The following DMD variants were observed in gnomAD, a reference collection of about 807,000 sequenced individuals.
DMD encodes the protein dystrophin.
Under a neutral mutation model 330.1 loss-of-function variants are expected in DMD, and 63 were observed. That is an observed-to-expected ratio of 0.19 (90% CI 0.16 to 0.24). The LOEUF (loss-of-function observed/expected upper bound fraction) is 0.24, where lower values mean the gene tolerates loss of function less well. DMD is among the 10% of genes least tolerant of loss of function. The pLI is 1.00. For synonymous variants in DMD, 1,223 were observed against 959.8 expected, an observed-to-expected ratio of 1.27 and a Z score of -5.07; for missense variants, 3,344 against 2,684.1, an observed-to-expected ratio of 1.25 and a Z score of -5.43.
chrX:31,314,779 A>AGAGAGAGAGAGAGAGAGAGT (rs1225831523), intron 62 of DMD, among the ~76,000 whole-genome samples: 2,050 of 93,300 alleles, frequency 0.022, 28 homozygotes, highest in African/African-American at 0.029. Flanking sequence ...AGAGAGAGAG[A>AGAGAGAGAGAGAGAGAGAGT]GTGTTTTACC....
At chrX:31,767,258 T>C (rs992059295) in intron 51 of DMD, among the ~76,000 whole-genome samples, 1 of 111,768 alleles carries the variant, frequency 8.9e-6, no homozygotes, top group Admixed American at 9.5e-5. Context: ...AAGGGCTGGA[T>C]TGTTGATCGA....
At chrX:32,792,021 C>T (rs1229981788) in intron 7 of DMD, among the ~76,000 whole-genome samples, 3 of 111,691 alleles carry the variant, frequency 2.7e-5, no homozygotes, top group Admixed American at 9.6e-5. Context: ...AAAGAAACCT[C>T]CATCAGATTA....
intron 1 of DMD, among the ~76,000 whole-genome samples, chrX:33,067,274 G>T (rs962676283): frequency 1.8e-5 from 2 of 112,182 alleles, no homozygotes; most frequent in African/African-American, 6.5e-5. Context: ...AGTGAACTCA[G>T]CGACTGCAGA....
rs753907510 is a variant in DMD at position 31,682,721 on chromosome X, G to A, written c.7661-3135C>T. ...CTGATTCCAATTTGCCTTCGCTTTC[G>A]TTAGTCTTAATTACTAACATTTTAC... On this transcript the variant is annotated intron_variant, in intron 52 of 78. Transcript: ENST00000357033. Among the ~76,000 whole-genome samples the A allele has an allele frequency of 7.2e-5, 8 of 111,804 alleles. No homozygotes were observed. In the East Asian group the frequency reaches 1.7e-3, roughly 23 times the overall value.
intron 15 of DMD, among the ~76,000 whole-genome samples, chrX:32,568,783 G>A (rs887011185): frequency 1.4e-4 from 16 of 110,667 alleles, no homozygotes; most frequent in African/African-American, 5.3e-4. Context: ...ACTGAGGGAG[G>A]AAAAGAAAGA....
intron 54 of DMD, among the ~76,000 whole-genome samples, chrX:31,638,101 T>A (rs2079520932): frequency 8.9e-6 from 1 of 111,890 alleles, no homozygotes; most frequent in South Asian, 3.7e-4. Flanking sequence ...AAAATGAGTG[T>A]CTGCAAAAAA....
chrX:32,060,549 T>A (rs1266464909), intron 44 of DMD, among the ~76,000 whole-genome samples: 1 of 111,250 alleles, frequency 9.0e-6, no homozygotes, highest in Admixed American at 9.6e-5. Context: ...TTATTTTTAA[T>A]CTTTGAGATA....
chrX:33,275,923 CACTATT>C (rs775970734), intron 1 of DMD, among the ~76,000 whole-genome samples: 143 of 111,645 alleles, frequency 1.3e-3, no homozygotes, highest in African/African-American at 4.0e-3. Context: ...ACTCAGAAAA[CACTATT>C]ACTAACACTA....
At chrX:31,514,653 G>A (rs779638490) in intron 55 of DMD, among the ~76,000 whole-genome samples, 4 of 111,862 alleles carry the variant, frequency 3.6e-5, no homozygotes, top group East Asian at 5.6e-4. Context: ...TTTGAATAGC[G>A]TCTAGAACAC....
chrX:31,869,594 T>A, intron 48 of DMD, among the ~76,000 whole-genome samples: 1 of 108,719 alleles, frequency 9.2e-6, no homozygotes, highest in Non-Finnish European at 1.9e-5. Flanking sequence ...TGACTGCCCA[T>A]ATTATTACTG....
At chrX:32,647,333 G>A (rs1056287306) in intron 9 of DMD, among the ~76,000 whole-genome samples, 5 of 111,631 alleles carry the variant, frequency 4.5e-5, no homozygotes, top group Admixed American at 1.9e-4. Context: ...GAAGTCTGGT[G>A]AGCTCACAGT....
chrX:32,827,098 T>C (rs917509117), intron 4 of DMD, among the ~76,000 whole-genome samples: 14 of 82,840 alleles, frequency 1.7e-4, no homozygotes, highest in African/African-American at 6.9e-4. Flanking sequence ...CAGCCACAGA[T>C]AATACCTAAA....
Position 32,485,058 on chromosome X carries a change from T to C in DMD, c.2664A>G (p.Glu888=). 1 of 1,211,555 alleles carries C rather than the reference T, an allele frequency of 8.3e-7. No homozygotes were observed. ...NRLSDLQPQI[E]RLKIQSIALK... ...GGGCTATGCTTTGAATTTTTAATCG[T>C]TCAATTTGAGGTTGAAGATCTGATA... Residue 888 remains glutamate (E), a synonymous_variant, in exon 21 of 79, where the codon GAA becomes GAG. Coordinates refer to ENST00000357033, the MANE Select transcript of DMD (RefSeq NM_004006.3).
chrX:32,733,510 G>T (rs987680147), intron 7 of DMD, among the ~76,000 whole-genome samples: 2 of 110,798 alleles, frequency 1.8e-5, no homozygotes, highest in Non-Finnish European at 3.8e-5. Flanking sequence ...CACATACTTG[G>T]AAGTAAAGCT....
chrX:33,122,226 AAAAC>A lies in DMD; in HGVS notation c.31+89052_31+89055del, dbSNP rs751215987. On this transcript the variant is annotated intron_variant, in intron 1 of 78. Coordinates refer to ENST00000357033, the MANE Select transcript of DMD (RefSeq NM_004006.3). Reference sequence around the variant, plus strand: ...GGTGACAGAGTGAGACTCCGTCTCAAAAACAAACAAACAAACAAACAAAAAACAA... The same window carrying A: ...GGTGACAGAGTGAGACTCCGTCTCAAAAACAAACAAACAAACAAAAAACAA... Among the ~76,000 whole-genome samples the A allele has an allele frequency of 4.8e-3, 536 of 112,089 alleles. 4 individuals are homozygous for A. The highest frequency in any genetic ancestry group is 0.017 in the African/African-American group (511 of 30,654).
At chrX:32,599,059 A>G (rs2055888313) in intron 12 of DMD, among the ~76,000 whole-genome samples, 2 of 112,037 alleles carry the variant, frequency 1.8e-5, no homozygotes, top group African/African-American at 6.5e-5. Context: ...TTCTCAGCTA[A>G]TTAGGAATTA....
At chrX:32,748,383 A>C (rs2070356134) in intron 7 of DMD, among the ~76,000 whole-genome samples, 1 of 110,495 alleles carries the variant, frequency 9.1e-6, no homozygotes. Flanking sequence ...AAGAAAAAGA[A>C]AAAAGGAAAA....
chrX:31,849,211 CAAACATTT>C (rs1490287213), intron 48 of DMD, among the ~76,000 whole-genome samples: 1 of 97,549 alleles, frequency 1.0e-5, no homozygotes, highest in African/African-American at 4.1e-5. Context: ...CATGTATGTT[CAAACATTT>C]ATTTATTTAT....
At chrX:32,683,225 G>C (rs775173259) in intron 9 of DMD, among the ~76,000 whole-genome samples, 2 of 111,218 alleles carry the variant, frequency 1.8e-5, no homozygotes, top group African/African-American at 6.5e-5. Flanking sequence ...TCTATTGAAA[G>C]AAGGAGTGGC....
Sources: allele counts gnomAD v4.1 joint callset (sites outside exome capture counted in the v4.1 genomes callset), GRCh38; gene constraint gnomAD v4.1.1; transcripts MANE v1.5; gene names NCBI Gene and HGNC (gene_info 2026-07-23, HGNC 2026-07-21).